CSMD1: variants seen among roughly 807,000 people sequenced by gnomAD.
CSMD1 encodes CUB and sushi domain-containing protein 1.
In CSMD1, 213 loss-of-function variants were observed where a neutral mutation model predicts 417.5. That is an observed-to-expected ratio of 0.51 (90% CI 0.46 to 0.57). The LOEUF (loss-of-function observed/expected upper bound fraction) is 0.57, where lower values mean the gene tolerates loss of function less well. Ranked by LOEUF, CSMD1 falls within the 20% of genes least tolerant of loss-of-function variation. The pLI, the probability that CSMD1 is intolerant of heterozygous loss-of-function variation, is 0.00. For missense variants in CSMD1, 6,923 were observed against 4,529.7 expected (o/e 1.53, Z -15.17); for synonymous variants, 2,862 against 1,736.8 (o/e 1.65, Z -16.11).
chr8:3,797,334 C>T (rs183681120), intron 5 of CSMD1, among the ~76,000 whole-genome samples: 1 of 152,016 alleles, frequency 6.6e-6, no homozygotes, highest in East Asian at 1.9e-4. Context: ...TGATTGTTGA[C>T]AAACTGTTCA....
At chr8:4,533,286 G>A (rs1022882173) in intron 2 of CSMD1, among the ~76,000 whole-genome samples, 4 of 152,188 alleles carry the variant, frequency 2.6e-5, no homozygotes, top group Non-Finnish European at 4.4e-5. Context: ...CAAATATCAT[G>A]CTGAGGAAGC....
chr8:4,149,691 G>A (rs540542478), intron 3 of CSMD1, among the ~76,000 whole-genome samples: 1 of 152,292 alleles, frequency 6.6e-6, no homozygotes, highest in East Asian at 1.9e-4. Context: ...AATAAACAAT[G>A]CTGAGTGATG....
intron 3 of CSMD1, among the ~76,000 whole-genome samples, chr8:4,260,311 A>T (rs1189730930): frequency 2.0e-5 from 3 of 152,166 alleles, no homozygotes; most frequent in African/African-American, 7.2e-5. Context: ...TTCCTCTTTT[A>T]TGATGTGTCT....
intron 1 of CSMD1, among the ~76,000 whole-genome samples, chr8:4,970,462 G>C (rs186532064): frequency 1.3e-5 from 2 of 152,020 alleles, no homozygotes; most frequent in East Asian, 1.9e-4. Context: ...AAATGACATC[G>C]GTCATTTATG....
intron 2 of CSMD1, among the ~76,000 whole-genome samples, chr8:4,465,602 G>T (rs368141008): frequency 6.6e-6 from 1 of 152,168 alleles, no homozygotes; most frequent in Non-Finnish European, 1.5e-5. Flanking sequence ...GAAGTCAGAC[G>T]TTGAGGATTA....
chr8:3,246,612 C>T (rs562746758), intron 26 of CSMD1, among the ~76,000 whole-genome samples: 7 of 152,254 alleles, frequency 4.6e-5, no homozygotes, highest in East Asian at 3.9e-4. Context: ...GCTGGGATTA[C>T]AGGCATGTGC....
At chr8:3,426,547 T>C (rs1232647577) in intron 12 of CSMD1, among the ~76,000 whole-genome samples, 1 of 152,212 alleles carries the variant, frequency 6.6e-6, no homozygotes, top group Non-Finnish European at 1.5e-5. Context: ...TGACTTCTCC[T>C]TATTAAACAC....
At chr8:3,949,024 A>G (rs965653944) in intron 5 of CSMD1, among the ~76,000 whole-genome samples, 1 of 152,132 alleles carries the variant, frequency 6.6e-6, no homozygotes, top group African/African-American at 2.4e-5. Context: ...TCTGAACTAG[A>G]ATTTTCTAAT....
intron 13 of CSMD1, among the ~76,000 whole-genome samples, chr8:3,408,845 A>G (rs1812511466): frequency 6.6e-6 from 1 of 152,160 alleles, no homozygotes. Flanking sequence ...ATTTATCTCT[A>G]GAATACATTT....
At chr8:3,736,131 T>G (rs1304413781) in intron 6 of CSMD1, among the ~76,000 whole-genome samples, 1 of 152,218 alleles carries the variant, frequency 6.6e-6, no homozygotes, top group Non-Finnish European at 1.5e-5. Context: ...TTAAATCTTT[T>G]CAGTACTCAT....
At chr8:4,390,736 A>C (rs919924372) in intron 3 of CSMD1, among the ~76,000 whole-genome samples, 3 of 151,502 alleles carry the variant, frequency 2.0e-5, no homozygotes, top group Non-Finnish European at 4.4e-5. Flanking sequence ...GATGGTCTCG[A>C]TCTTCTGACC....
intron 12 of CSMD1, among the ~76,000 whole-genome samples, chr8:3,456,627 G>C (rs143212076): frequency 3.6e-4 from 55 of 152,224 alleles, no homozygotes; most frequent in African/African-American, 1.3e-3. Context: ...CATTGAAATA[G>C]TCCTAGTGGA....
At chr8:3,392,338 C>G (rs902178834) in intron 17 of CSMD1, among the ~76,000 whole-genome samples, 2 of 152,112 alleles carry the variant, frequency 1.3e-5, no homozygotes, top group Non-Finnish European at 2.9e-5. Flanking sequence ...AACCCACTTT[C>G]AAAGAATGTG....
At chr8:4,969,445 A>G (rs1027001531) in intron 1 of CSMD1, among the ~76,000 whole-genome samples, 4 of 151,766 alleles carry the variant, frequency 2.6e-5, no homozygotes, top group African/African-American at 7.3e-5. Flanking sequence ...GAGCCAGTTC[A>G]CAGAAAATCT....
intron 17 of CSMD1, among the ~76,000 whole-genome samples, chr8:3,387,945 T>C (rs1811113282): frequency 6.6e-6 from 1 of 152,246 alleles, no homozygotes; most frequent in South Asian, 2.1e-4. Flanking sequence ...TTAACTTCTC[T>C]GAATTTTACT....
chr8:3,380,891 G>GAA (rs113958018), intron 18 of CSMD1, among the ~76,000 whole-genome samples: 12 of 141,562 alleles, frequency 8.5e-5, no homozygotes, highest in African/African-American at 2.9e-4. Context: ...AAAGTATAAT[G>GAA]AAAAAAAAAA....
intron 3 of CSMD1, among the ~76,000 whole-genome samples, chr8:4,178,337 T>A (rs1358490225): frequency 6.6e-6 from 1 of 151,318 alleles, no homozygotes. Flanking sequence ...AACCACATGA[T>A]TATCTCAATA....
At chr8:4,635,957 C>A (rs1802789460) in intron 2 of CSMD1, among the ~76,000 whole-genome samples, 2 of 151,634 alleles carry the variant, frequency 1.3e-5, no homozygotes, top group African/African-American at 2.4e-5. Context: ...AGAAAAAAAA[C>A]TAGGTGTTTG....
chr8:3,069,860 C>A (rs541769069), intron 49 of CSMD1, among the ~76,000 whole-genome samples: 12 of 152,360 alleles, frequency 7.9e-5, no homozygotes, highest in Admixed American at 5.9e-4. Context: ...CTGCAACAGG[C>A]TTCTGCCTGG....
Sources: allele counts gnomAD v4.1 joint callset (sites outside exome capture counted in the v4.1 genomes callset), GRCh38; gene constraint gnomAD v4.1.1; transcripts MANE v1.5; gene names NCBI Gene and HGNC (gene_info 2026-07-23, HGNC 2026-07-21).